Variants in FGFR2 observed in about 807,000 individuals in gnomAD.
FGFR2 encodes the protein BEK fibroblast growth factor receptor.
In FGFR2, 19 loss-of-function variants were observed where a neutral mutation model predicts 95.9. The observed-to-expected ratio is 0.20, with a 90% CI of 0.14 to 0.29. FGFR2 has a LOEUF of 0.29. FGFR2 is among the 10% of genes least tolerant of loss of function. The pLI is 1.00. For missense variants in FGFR2, 707 were observed against 1,056.9 expected, an observed-to-expected ratio of 0.67 and a Z score of 4.59; for synonymous variants, 392 against 393.3, an observed-to-expected ratio of 1.00 and a Z score of 0.04.
intron 4 of FGFR2, among the ~76,000 whole-genome samples, chr10:121,557,037 G>A (rs1427525211): frequency 2.0e-5 from 3 of 152,186 alleles, no homozygotes; most frequent in Non-Finnish European, 4.4e-5. Context: ...GTATGTCTGT[G>A]GCTTTGAGAA....
chr10:121,496,784 A>T, intron 12 of FGFR2, 62 bp from the exon 13 acceptor site: 7 of 1,471,954 alleles, frequency 4.8e-6, no homozygotes, highest in Non-Finnish European at 6.6e-6. Flanking sequence ...TGGGCAATTC[A>T]GCAAAACATT....
At chr10:121,546,691 A>G (rs1854569340) in intron 5 of FGFR2, among the ~76,000 whole-genome samples, 1 of 152,090 alleles carries the variant, frequency 6.6e-6, no homozygotes, top group African/African-American at 2.4e-5. Flanking sequence ...CATGCATGCC[A>G]TTTCAAAACA....
At chr10:121,503,965 A>G (rs1479942360) in intron 9 of FGFR2, 24 bp from the exon 10 acceptor site, 3 of 1,613,686 alleles carry the variant, frequency 1.9e-6, no homozygotes, top group Non-Finnish European at 2.5e-6. Flanking sequence ...GCAAAGACAC[A>G]GATGTAATCC....
intron 2 of FGFR2, chr10:121,583,320 G>C (rs959649803): frequency 1.3e-5 from 2 of 152,280 alleles, no homozygotes; most frequent in African/African-American, 4.8e-5. Context: ...TAATATCCAA[G>C]TGGCAACAGC....
chr10:121,560,397 G>A (rs3793896), intron 4 of FGFR2, among the ~76,000 whole-genome samples: 51,079 of 151,628 alleles, frequency 0.34, 10,010 homozygotes, highest in East Asian at 0.55. Context: ...AGCAGATCAC[G>A]AGGTCAGGAG....
intron 11 of FGFR2, among the ~76,000 whole-genome samples, chr10:121,500,348 G>C (rs779860148): frequency 2.2e-4 from 34 of 152,124 alleles, no homozygotes; most frequent in Non-Finnish European, 4.4e-4. Context: ...GACTCTCCCA[G>C]ACCAGTGTCA....
At position 121,553,749 on chromosome 10, in the gene FGFR2, A is replaced by G. The variant is rs149241980; in HGVS notation, c.455-2290T>C. ...CTGTGGAATGTCTTTTCTTTTTTACATAAAAGAAATCAACAGATATGTGCT... is the reference window on the plus strand; with the variant it reads ...CTGTGGAATGTCTTTTCTTTTTTACGTAAAAGAAATCAACAGATATGTGCT... On this transcript the variant is annotated intron_variant, in intron 4 of 17. Coordinates refer to ENST00000358487, the MANE Select transcript of FGFR2 (RefSeq NM_000141.5). Among the ~76,000 whole-genome samples the G allele has an allele frequency of 5.7e-3, 865 of 152,344 alleles. 8 individuals are homozygous for G. The highest frequency in any genetic ancestry group is 0.018 in the African/African-American group (753 of 41,568).
chr10:121,487,494 G>T lies in FGFR2; in HGVS notation c.1987-70C>A, dbSNP rs1029447542. 14 of 1,266,268 alleles carry T rather than the reference G, an allele frequency of 1.1e-5. No individual in the cohort carries two copies. In the African/African-American group the frequency reaches 1.9e-4, roughly 18 times the overall value. The allele number at this position is 1,266,268 out of a possible 1,614,324, so 78.4% of individuals were successfully genotyped here. ...AATTTATCTTAGCAGGCTCAATAGG[G>T]CTATGCCCTGTTTAAGAGCTGATAT... is the stretch of plus-strand genomic sequence containing the variant. On this transcript the variant is annotated intron_variant, in intron 14 of 17. Coordinates refer to ENST00000358487, the MANE Select transcript of FGFR2 (RefSeq NM_000141.5).
At chr10:121,497,130 CAAAAAAAAAAAAA>C (rs35537265) in intron 12 of FGFR2, among the ~76,000 whole-genome samples, 1 of 91,454 alleles carries the variant, frequency 1.1e-5, no homozygotes, top group African/African-American at 3.8e-5. Context: ...GACTTTGTCT[CAAAAAAAAAAAAA>C]AAAAAAGAAG....
intron 6 of FGFR2, among the ~76,000 whole-genome samples, chr10:121,522,151 G>C (rs1850649106): frequency 6.6e-6 from 1 of 152,214 alleles, no homozygotes; most frequent in East Asian, 1.9e-4. Flanking sequence ...GAAATGGTGA[G>C]TTGCAATCAA....
At chr10:121,489,981 G>A (rs1160395633) in intron 13 of FGFR2, among the ~76,000 whole-genome samples, 7 of 152,234 alleles carry the variant, frequency 4.6e-5, no homozygotes, top group Non-Finnish European at 7.4e-5. Flanking sequence ...GCCAATGCCC[G>A]TCTATCCACG....
intron 5 of FGFR2, among the ~76,000 whole-genome samples, chr10:121,548,048 T>C (rs1361215356): frequency 2.0e-5 from 3 of 152,074 alleles, no homozygotes; most frequent in Non-Finnish European, 4.4e-5. Context: ...TTCTGGCATC[T>C]CCAAAATGAA....
At chr10:121,504,349 G>A (rs1848006666) in intron 9 of FGFR2, among the ~76,000 whole-genome samples, 1 of 152,188 alleles carries the variant, frequency 6.6e-6, no homozygotes, top group Non-Finnish European at 1.5e-5. Flanking sequence ...CCGGATCATG[G>A]ATCAATGCTG....
intron 4 of FGFR2, among the ~76,000 whole-genome samples, chr10:121,557,589 C>T (rs978257849): frequency 1.2e-4 from 18 of 152,248 alleles, no homozygotes; most frequent in African/African-American, 3.6e-4. Flanking sequence ...ATTACAGGTG[C>T]GAGCTGCTAT....
At chr10:121,515,061 A>C in intron 9 of FGFR2, 56 bp downstream of exon 9, 2 of 1,548,740 alleles carry the variant, frequency 1.3e-6, no homozygotes, top group Non-Finnish European at 1.8e-6. Flanking sequence ...CAAGATCCAC[A>C]AGCTGGCTGG....
chr10:121,484,242 T>C lies in FGFR2; in HGVS notation c.2196-439A>G, dbSNP rs541975195. 2.2e-4 allele frequency among the ~76,000 whole-genome samples: 34 copies of C among 152,294 alleles called. 1 individual carries two copies. In the South Asian group the frequency reaches 6.6e-3, roughly 30 times the overall value. On this transcript the variant is annotated intron_variant, in intron 16 of 17. Coordinates refer to ENST00000358487, the MANE Select transcript of FGFR2 (RefSeq NM_000141.5). Reference sequence around the variant, plus strand: ...GTGCTTTGGGTCTTAATGATTCTAGTTGACACAGCTTCCTGAGTTAAAAAA... The same window carrying C: ...GTGCTTTGGGTCTTAATGATTCTAGCTGACACAGCTTCCTGAGTTAAAAAA...
intron 17 of FGFR2, among the ~76,000 whole-genome samples, chr10:121,482,747 T>C (rs956060786): frequency 2.0e-5 from 3 of 152,214 alleles, no homozygotes; most frequent in African/African-American, 7.2e-5. Context: ...ATGGCTAAAT[T>C]TGCACAGTGA....
At chr10:121,482,146 C>T (rs535400031) in intron 17 of FGFR2, 3 of 1,611,736 alleles carry the variant, frequency 1.9e-6, no homozygotes, top group Non-Finnish European at 2.5e-6. Flanking sequence ...CAACTTTTCC[C>T]AGTTTCTCAA....
chr10:121,506,278 A>T (rs865860456), intron 9 of FGFR2, among the ~76,000 whole-genome samples: 58 of 146,644 alleles, frequency 4.0e-4, no homozygotes, highest in African/African-American at 1.4e-3. Context: ...GAATCGCTTA[A>T]ACCCAGGAGG....
Sources: gnomAD v4.1 joint callset for allele counts (sites outside exome capture counted in the v4.1 genomes callset) on GRCh38, gnomAD v4.1.1 for gene constraint, MANE v1.5 for transcripts, NCBI Gene and HGNC (gene_info 2026-07-23, HGNC 2026-07-21) for gene names.